The following ZFHX3 variants were observed in gnomAD, a reference collection of about 807,000 sequenced individuals.
ZFHX3 encodes zinc finger homeobox protein 3.
ZFHX3 carries 42 observed loss-of-function variants against 279.1 expected under a neutral mutation model. The observed-to-expected ratio is 0.15, with a 90% CI of 0.12 to 0.19. The LOEUF (loss-of-function observed/expected upper bound fraction) is 0.19, where lower values mean the gene tolerates loss of function less well. ZFHX3 is among the 10% of genes least tolerant of loss of function. ZFHX3 has a pLI of 1.00. For synonymous variants in ZFHX3, 2,293 were observed against 1,957.8 expected, an observed-to-expected ratio of 1.17 and a Z score of -4.52; for missense variants, 4,981 against 4,754.0, an observed-to-expected ratio of 1.05 and a Z score of -1.40.
chr16:72,841,327 G>C lies in ZFHX3; in HGVS notation c.3449-11468C>G, dbSNP rs937319352. 3.3e-5 allele frequency among the ~76,000 whole-genome samples: 5 copies of C among 152,350 alleles called. No individual in the cohort carries two copies. The East Asian group carries it at 9.6e-4, about 29-fold the overall frequency. ...TTTCCTGGGAAACTGCAAAGAAAGT[G>C]AAGCAGGAAGCTGAGGTACAGAGAA... On this transcript the variant is annotated intron_variant, in intron 4 of 9. Transcript: ENST00000268489.
intron 5 of ZFHX3, among the ~76,000 whole-genome samples, chr16:73,180,647 G>A (rs968551547): frequency 6.6e-6 from 1 of 151,958 alleles, no homozygotes; most frequent in African/African-American, 2.4e-5. Context: ...TGTATCACTT[G>A]CTTACTGTCA....
chr16:72,824,727 A>G (rs1188774054), intron 5 of ZFHX3, among the ~76,000 whole-genome samples: 3 of 152,258 alleles, frequency 2.0e-5, no homozygotes, highest in Non-Finnish European at 2.9e-5. Flanking sequence ...TATTGGTGAT[A>G]AAGCATCACA....
intron 1 of ZFHX3, among the ~76,000 whole-genome samples, chr16:73,890,240 CA>C (rs59693506): frequency 0.031 from 4,015 of 130,076 alleles, 163 homozygotes; most frequent in African/African-American, 0.1. Context: ...AAAAAAAAAC[CA>C]AAAAAAAAAA....
chr16:73,525,950 G>A (rs1017945911), intron 2 of ZFHX3, among the ~76,000 whole-genome samples: 4 of 152,148 alleles, frequency 2.6e-5, no homozygotes, highest in Non-Finnish European at 5.9e-5. Context: ...CCTCTTGGTG[G>A]CCTTAATGAC....
chr16:72,796,700 G>A lies in ZFHX3; in HGVS notation c.5982C>T (p.Asn1994=), dbSNP rs1460477170. ...CTTGATGACTCTTTAAAATCAAGAT[G>A]TTGGAAAACAACTTGCCGCAGGAGT... ...ECDSCGKLFS[N]ILILKSHQEH... is the part of the protein sequence containing the mutation. The change falls in exon 9 of 10, where the codon AAC becomes AAT. Residue 1994 remains asparagine (N), a synonymous_variant. Transcript: ENST00000268489. 6.2e-7 allele frequency: 1 copy of A among 1,613,942 alleles called. No individual in the cohort carries two copies. Among genetic ancestry groups the A allele is most frequent in the Admixed American group, 1.7e-5 (1 of 60,008 alleles).
intron 1 of ZFHX3, among the ~76,000 whole-genome samples, chr16:73,838,640 A>G (rs554122370): frequency 3.3e-5 from 5 of 152,132 alleles, no homozygotes; most frequent in African/African-American, 9.7e-5. Context: ...TTTCAACCCC[A>G]TTGAAAAAGA....
chr16:73,870,945 T>C (rs1962146379), intron 1 of ZFHX3, among the ~76,000 whole-genome samples: 1 of 152,212 alleles, frequency 6.6e-6, no homozygotes, highest in Non-Finnish European at 1.5e-5. Flanking sequence ...AATCGTGTTT[T>C]GCATTGACTC....
At chr16:73,771,837 C>T (rs1303345899) in intron 1 of ZFHX3, among the ~76,000 whole-genome samples, 1 of 151,778 alleles carries the variant, frequency 6.6e-6, no homozygotes, top group Non-Finnish European at 1.5e-5. Flanking sequence ...TCCCTGCCAT[C>T]CCGGAAGATG....
At chr16:72,990,409 C>G (rs937104049) in intron 1 of ZFHX3, among the ~76,000 whole-genome samples, 50 of 152,180 alleles carry the variant, frequency 3.3e-4, no homozygotes, top group African/African-American at 1.2e-3. Context: ...GCCCCTGCCT[C>G]CAAGGCCCCC....
chr16:73,701,121 G>C lies in ZFHX3; in HGVS notation c.-1607-20881C>G, dbSNP rs1427203070. On this transcript the variant is annotated intron_variant, in intron 1 of 17. Coordinates refer to the ZFHX3 transcript ENST00000641206. ...CAAGGGAGATGCAGAAGTTTAAATG[G>C]AAAGGAAAATAATGAACAAATACCA... 2.6e-5 allele frequency among the ~76,000 whole-genome samples: 4 copies of C among 152,160 alleles called. 1 individual carries two copies. The highest frequency in any genetic ancestry group is 2.0e-4 in the Admixed American group (3 of 15,270).
chr16:73,279,001 T>C (rs930335738), intron 4 of ZFHX3, among the ~76,000 whole-genome samples: 13 of 152,220 alleles, frequency 8.5e-5, no homozygotes, highest in African/African-American at 3.1e-4. Context: ...TACTACTAAG[T>C]GGGGGGCATC....
chr16:73,306,676 G>A (rs774777963), intron 4 of ZFHX3, among the ~76,000 whole-genome samples: 3 of 152,174 alleles, frequency 2.0e-5, no homozygotes, highest in Non-Finnish European at 2.9e-5. Flanking sequence ...ACTTGGAGAT[G>A]ATGACAAGAA....
At chr16:72,867,252 G>C (rs183662815) in intron 4 of ZFHX3, among the ~76,000 whole-genome samples, 11 of 152,246 alleles carry the variant, frequency 7.2e-5, no homozygotes, top group Admixed American at 2.0e-4. Context: ...ATGTCAGTGT[G>C]GCATATTATG....
chr16:72,923,117 CATCT>C (rs1959239409), intron 3 of ZFHX3, among the ~76,000 whole-genome samples: 1 of 152,028 alleles, frequency 6.6e-6, no homozygotes, highest in African/African-American at 2.4e-5. Context: ...TAGAAGCTGG[CATCT>C]ATCTGTCTAC....
chr16:73,442,267 C>T (rs1276323939), intron 3 of ZFHX3, among the ~76,000 whole-genome samples: 1 of 152,150 alleles, frequency 6.6e-6, no homozygotes, highest in Non-Finnish European at 1.5e-5. Context: ...GGGTTGGTCT[C>T]TTCTGAGGCC....
chr16:73,372,230 A>C (rs1255014381), intron 3 of ZFHX3, among the ~76,000 whole-genome samples: 1 of 152,232 alleles, frequency 6.6e-6, no homozygotes, highest in Non-Finnish European at 1.5e-5. Context: ...ACTTTTGTGA[A>C]GATTTTGCAT....
At chr16:72,844,951 T>C (rs1016891915) in intron 4 of ZFHX3, among the ~76,000 whole-genome samples, 1 of 151,106 alleles carries the variant, frequency 6.6e-6, no homozygotes, top group East Asian at 2.0e-4. Context: ...CCTGCCTTCA[T>C]AGAGAGCTAA....
intron 7 of ZFHX3, among the ~76,000 whole-genome samples, chr16:73,097,418 T>C (rs1966179199): frequency 6.6e-6 from 1 of 152,136 alleles, no homozygotes; most frequent in African/African-American, 2.4e-5. Flanking sequence ...CTGAGACAGC[T>C]CTTACTGTCT....
At chr16:72,874,406 C>T (rs547239637) in intron 4 of ZFHX3, among the ~76,000 whole-genome samples, 3 of 151,948 alleles carry the variant, frequency 2.0e-5, no homozygotes, top group South Asian at 2.1e-4. Context: ...CGGGGTTTCA[C>T]GGTGTTAGTC....
Sources: allele counts gnomAD v4.1 joint callset (sites outside exome capture counted in the v4.1 genomes callset), GRCh38; gene constraint gnomAD v4.1.1; transcripts MANE v1.5; gene names NCBI Gene and HGNC (gene_info 2026-07-23, HGNC 2026-07-21).